Variants in TENM1 observed in about 807,000 individuals in gnomAD.
The protein encoded by TENM1 is teneurin transmembrane protein 1.
TENM1 carries 35 observed loss-of-function variants against 174.8 expected under a neutral mutation model. The ratio of observed to expected loss-of-function variants is 0.20; its 90% CI spans 0.15 to 0.27. The LOEUF is 0.27. Among genes scored for constraint, TENM1 ranks in the 10% least tolerant of loss-of-function variants. TENM1 has a pLI of 1.00. For missense variants in TENM1, 1,633 were observed against 2,130.1 expected (o/e 0.77, Z 4.59); for synonymous variants, 781 against 798.7 (o/e 0.98, Z 0.37).
chrX:124,538,026 C>G (rs1001692821), intron 15 of TENM1, among the ~76,000 whole-genome samples: 2 of 111,868 alleles, frequency 1.8e-5, no homozygotes, highest in South Asian at 7.5e-4. Flanking sequence ...TTCTTCTTTG[C>G]CCAAGAGCAT....
At chrX:124,716,558 C>T (rs1342830408) in intron 4 of TENM1, among the ~76,000 whole-genome samples, 2 of 112,158 alleles carry the variant, frequency 1.8e-5, no homozygotes, top group Non-Finnish European at 3.8e-5. Flanking sequence ...CTCCCTATCA[C>T]CCACTAGAAA....
chrX:124,704,578 A>G (rs899354499), intron 5 of TENM1, among the ~76,000 whole-genome samples: 1 of 112,045 alleles, frequency 8.9e-6, no homozygotes, highest in African/African-American at 3.2e-5. Context: ...ATTCTTGGGA[A>G]GAAATTATGT....
At chrX:125,054,776 C>T in the TENM1 span, among the ~76,000 whole-genome samples, 3 of 111,280 alleles carry the variant, frequency 2.7e-5, no homozygotes, top group African/African-American at 6.5e-5. Context: ...GAGAATAGAA[C>T]GGAGACATGT....
chrX:124,512,777 T>C (rs757179888), intron 18 of TENM1, among the ~76,000 whole-genome samples: 4 of 111,839 alleles, frequency 3.6e-5, no homozygotes, highest in Non-Finnish European at 7.5e-5. Context: ...CCTTAGAGAT[T>C]ATACCAATTC....
chrX:124,566,576 G>A lies in TENM1; in HGVS notation c.2078-1016C>T, dbSNP rs557085864. 3.6e-5 allele frequency among the ~76,000 whole-genome samples: 4 copies of A among 112,351 alleles called. No homozygotes were observed. In the South Asian group the frequency reaches 1.5e-3, roughly 42 times the overall value. On this transcript the variant is annotated intron_variant, in intron 11 of 31. Coordinates refer to ENST00000422452, the Ensembl canonical transcript of TENM1. ...ACAATAGGCCACATATTCCTGAAAG[G>A]AAAAGAGGGTGTTCTGGAAGCCAGG... is the stretch of plus-strand genomic sequence containing the variant.
Position 124,399,828 on chromosome X carries a change from C to T in TENM1, c.5391+5203G>A, listed in dbSNP as rs112727261. On this transcript the variant is annotated intron_variant, in intron 27 of 31. Coordinates refer to ENST00000422452, the Ensembl canonical transcript of TENM1. ...CAAAGAAACAAAAACAAAAATTAGC[C>T]GAGCACGGTGGCATGCGCCTGTAGT... Among the ~76,000 whole-genome samples the T allele has an allele frequency of 3.5e-3, 387 of 111,089 alleles. 3 individuals are homozygous for T. The highest frequency in any genetic ancestry group is 0.012 in the African/African-American group (358 of 30,545).
chrX:125,034,496 A>G, the TENM1 span, among the ~76,000 whole-genome samples: 1 of 111,581 alleles, frequency 9.0e-6, no homozygotes, highest in Non-Finnish European at 1.9e-5. Flanking sequence ...AAACTCGCAA[A>G]CTAACAACAG....
the TENM1 span, among the ~76,000 whole-genome samples, chrX:125,057,255 C>T: frequency 9.0e-6 from 1 of 111,188 alleles, no homozygotes; most frequent in Admixed American, 9.7e-5. Flanking sequence ...AAAATTTATA[C>T]CCTCTCGGGC....
chrX:125,122,438 A>G, the TENM1 span, among the ~76,000 whole-genome samples: 1 of 111,722 alleles, frequency 9.0e-6, no homozygotes, highest in East Asian at 2.8e-4. Flanking sequence ...AATATTGGGG[A>G]AGCTATCAAG....
At chrX:124,827,892 C>G (rs1210752240) in intron 3 of TENM1, among the ~76,000 whole-genome samples, 3 of 111,585 alleles carry the variant, frequency 2.7e-5, no homozygotes, top group Non-Finnish European at 5.6e-5. Flanking sequence ...ATATTTAACA[C>G]AGGCTTAAAG....
At position 124,804,184 on chromosome X, in the gene TENM1, A is replaced by C. The variant is rs531414763; in HGVS notation, c.536-66987T>G. Among the ~76,000 whole-genome samples, 10 of 112,291 alleles carry C rather than the reference A, an allele frequency of 8.9e-5. No individual in the cohort carries two copies. The South Asian group carries it at 3.0e-3, about 33-fold the overall frequency. On this transcript the variant is annotated intron_variant, in intron 3 of 31. Coordinates refer to ENST00000422452, the Ensembl canonical transcript of TENM1. ...TAAAGAGACCTGCCTGCCAGGAATA[A>C]CACATTCATAATTGGTAGGACAATA...
At chrX:124,441,379 A>T (rs1429292530) in intron 23 of TENM1, among the ~76,000 whole-genome samples, 1 of 112,726 alleles carries the variant, frequency 8.9e-6, no homozygotes, top group African/African-American at 3.2e-5. Flanking sequence ...ATTTTTATTC[A>T]GTAGTCATCA....
the TENM1 span, among the ~76,000 whole-genome samples, chrX:125,002,964 C>A: frequency 8.9e-6 from 1 of 111,819 alleles, no homozygotes; most frequent in South Asian, 3.7e-4. Flanking sequence ...TCCTTAATTG[C>A]TCTAGAATTG....
At chrX:124,646,408 G>C (rs1005834986) in intron 9 of TENM1, among the ~76,000 whole-genome samples, 12 of 112,383 alleles carry the variant, frequency 1.1e-4, no homozygotes, top group African/African-American at 3.9e-4. Context: ...CCAGCTGTTA[G>C]GTAACCCTGG....
intron 11 of TENM1, among the ~76,000 whole-genome samples, chrX:124,612,018 A>G (rs1180029075): frequency 8.9e-6 from 1 of 112,437 alleles, no homozygotes; most frequent in Non-Finnish European, 1.9e-5. Flanking sequence ...TTCAGAAAAC[A>G]AAAATTATTT....
At chrX:125,074,344 C>T in the TENM1 span, among the ~76,000 whole-genome samples, 6 of 109,252 alleles carry the variant, frequency 5.5e-5, no homozygotes, top group East Asian at 1.7e-3. Flanking sequence ...TCTGCTTCCC[C>T]AGGCTGGCCC....
chrX:125,105,797 G>T, the TENM1 span, among the ~76,000 whole-genome samples: 1 of 111,549 alleles, frequency 9.0e-6, no homozygotes, highest in African/African-American at 3.3e-5. Context: ...AGGATGCCAG[G>T]AAACAAGAAG....
chrX:124,487,223 T>C, exon 21 of TENM1: 1 of 1,166,543 alleles, frequency 8.6e-7, no homozygotes, highest in Non-Finnish European at 1.1e-6. Flanking sequence ...GTCTGGTATC[T>C]CTGTTTCTAG....
intron 1 of TENM1, among the ~76,000 whole-genome samples, chrX:124,905,931 T>A (rs1380530875): frequency 8.9e-6 from 1 of 112,009 alleles, no homozygotes; most frequent in East Asian, 2.8e-4. Flanking sequence ...GTTTCCAACA[T>A]CCACAGTGGA....
Sources: gnomAD v4.1 joint callset for allele counts (sites outside exome capture counted in the v4.1 genomes callset) on GRCh38, gnomAD v4.1.1 for gene constraint, MANE v1.5 for transcripts, NCBI Gene and HGNC (gene_info 2026-07-23, HGNC 2026-07-21) for gene names.